PMS1: variants seen among roughly 807,000 people sequenced by gnomAD.
The protein encoded by PMS1 is PMS1 homolog 1, mismatch repair system component, also known as PMS1 protein homolog 1.
In PMS1, 79 loss-of-function variants were observed where a neutral mutation model predicts 93.1. The observed-to-expected ratio is 0.85, with a 90% CI of 0.71 to 1.02. The LOEUF (loss-of-function observed/expected upper bound fraction) is 1.02, where lower values mean the gene tolerates loss of function less well. PMS1 is among the 50% of genes least tolerant of loss of function. The pLI, the probability that PMS1 is intolerant of heterozygous loss-of-function variation, is 0.00. For missense variants in PMS1, 1,064 were observed against 1,085.3 expected, an observed-to-expected ratio of 0.98 and a Z score of 0.28; for synonymous variants, 335 against 363.4, an observed-to-expected ratio of 0.92 and a Z score of 0.89.
chr2:189,872,839 T>C (rs959069876), intron 11 of PMS1, among the ~76,000 whole-genome samples: 2 of 152,244 alleles, frequency 1.3e-5, no homozygotes, highest in South Asian at 4.1e-4. Flanking sequence ...TCTCACCATG[T>C]TGGACAGGCT....
chr2:189,793,880 T>C (rs2049109111), intron 2 of PMS1, among the ~76,000 whole-genome samples: 1 of 152,240 alleles, frequency 6.6e-6, no homozygotes, highest in Non-Finnish European at 1.5e-5. Flanking sequence ...TATGTTTTCA[T>C]AATTAATTAA....
intron 5 of PMS1, among the ~76,000 whole-genome samples, chr2:189,838,388 T>C (rs74356037): frequency 1.6e-4 from 24 of 152,266 alleles, no homozygotes; most frequent in African/African-American, 5.5e-4. Flanking sequence ...GTATTTAGTA[T>C]TTAGTGGGCC....
chr2:189,802,264 T>G (rs1257730825), intron 3 of PMS1, among the ~76,000 whole-genome samples: 1 of 152,230 alleles, frequency 6.6e-6, no homozygotes, highest in East Asian at 1.9e-4. Context: ...AAAACTTAAC[T>G]ACTGTTGACC....
At chr2:189,824,978 A>G (rs919951893) in intron 5 of PMS1, among the ~76,000 whole-genome samples, 2 of 151,078 alleles carry the variant, frequency 1.3e-5, no homozygotes, top group Non-Finnish European at 2.9e-5. Flanking sequence ...TTTTGTAAAG[A>G]ATTTTTTTGT....
At chr2:189,788,798 C>G (rs527496665) in intron 1 of PMS1, among the ~76,000 whole-genome samples, 2 of 152,138 alleles carry the variant, frequency 1.3e-5, no homozygotes, top group Non-Finnish European at 2.9e-5. Context: ...TCAATTTGGA[C>G]TACCCACGTT....
rs2054028143 is a variant in PMS1 at position 189,843,981 on chromosome 2, A to G, written c.600A>G (p.Lys200=). Residue 200 remains lysine, a synonymous_variant, in exon 6 of 13, where the codon AAA becomes AAG. Coordinates refer to ENST00000441310, the MANE Select transcript of PMS1 (RefSeq NM_000534.5). Reference sequence around the variant, plus strand: ...GTCCCTAGGCAGTTATTTGGCAGAAAAGCAGAGTATCAGATCACAAGATGG... The same window carrying G: ...GTCCCTAGGCAGTTATTTGGCAGAAGAGCAGAGTATCAGATCACAAGATGG... ...FVHNKAVIWQ[K]SRVSDHKMAL... is the part of the protein sequence containing the mutation. 1.2e-6 allele frequency: 2 copies of G among 1,613,868 alleles called. No individual in the cohort carries two copies. Among genetic ancestry groups the G allele is most frequent in the South Asian group, 2.2e-5 (2 of 91,088 alleles).
chr2:189,790,704 T>A (rs2048786361), intron 1 of PMS1, among the ~76,000 whole-genome samples: 1 of 152,252 alleles, frequency 6.6e-6, no homozygotes, highest in Non-Finnish European at 1.5e-5. Flanking sequence ...AATGTAGTAG[T>A]TGCTGTTCTT....
intron 9 of PMS1, among the ~76,000 whole-genome samples, chr2:189,858,511 A>C (rs1005274469): frequency 1.3e-5 from 2 of 152,152 alleles, no homozygotes; most frequent in Admixed American, 6.6e-5. Flanking sequence ...CTTTTACTTA[A>C]CATTTACTTA....
At position 189,817,906 on chromosome 2, in the gene PMS1, G is replaced by C. The variant is rs3791773; in HGVS notation, c.419-111G>C. On this transcript the variant is annotated intron_variant, in intron 4 of 12. Transcript: ENST00000441310. ...TTGAGCCTTTGGGTTTCTAGAATTGGAGGAGGAGACCTTCAGTTATAGAAG... is the reference window on the plus strand; with the variant it reads ...TTGAGCCTTTGGGTTTCTAGAATTGCAGGAGGAGACCTTCAGTTATAGAAG... 0.2 allele frequency: 160,017 copies of C among 795,032 alleles called. 17,101 individuals are homozygous for C. The highest frequency in any genetic ancestry group is 0.29 in the African/African-American group (16,868 of 58,980). 49.2% of individuals were successfully genotyped at this position (795,032 alleles called of 1,614,324 possible).
intron 1 of PMS1, chr2:189,784,813 C>T (rs984870393): frequency 6.6e-6 from 1 of 152,288 alleles, no homozygotes; most frequent in Non-Finnish European, 1.5e-5. Context: ...TGTTGCGTCC[C>T]ATTCCCCAGA....
chr2:189,855,940 G>T, intron 9 of PMS1: 1 of 698,830 alleles, frequency 1.4e-6, no homozygotes. Context: ...TCAATATTAT[G>T]TCAAATGTGT....
chr2:189,855,428 T>G (rs1378727402), intron 9 of PMS1, among the ~76,000 whole-genome samples: 1 of 151,744 alleles, frequency 6.6e-6, no homozygotes, highest in Non-Finnish European at 1.5e-5. Flanking sequence ...CAAACCACCA[T>G]TTATCTTCTA....
rs1362613334 is a variant in PMS1 at position 189,868,425 on chromosome 2, A to G, written c.2473+496A>G. On this transcript the variant is annotated intron_variant, in intron 11 of 12. Coordinates refer to ENST00000441310, the MANE Select transcript of PMS1 (RefSeq NM_000534.5). ...AGACTGATAACCCTCTTTGCTCAGT[A>G]TGGAAATTCATTGGGTGGATTTAAA... 2.6e-5 allele frequency among the ~76,000 whole-genome samples: 4 copies of G among 152,228 alleles called. No homozygotes were observed. In the East Asian group the frequency reaches 7.7e-4, roughly 29 times the overall value.
intron 10 of PMS1, among the ~76,000 whole-genome samples, chr2:189,864,860 T>C (rs970125519): frequency 2.0e-5 from 3 of 149,916 alleles, no homozygotes; most frequent in African/African-American, 7.3e-5. Context: ...AGGGTAATTT[T>C]GAAGTTAGAT....
chr2:189,805,542 A>G, intron 3 of PMS1, 110 bp from the exon 4 acceptor site: 1 of 896,226 alleles, frequency 1.1e-6, no homozygotes, highest in Non-Finnish European at 1.8e-6. Flanking sequence ...TTTATTAGGT[A>G]AAATACGCTA....
chr2:189,814,309 C>A (rs1233270), intron 4 of PMS1, among the ~76,000 whole-genome samples: 10,076 of 149,058 alleles, frequency 0.068, 644 homozygotes, highest in African/African-American at 0.17. Context: ...AGAGGAAGAC[C>A]CCCCCCCAAA....
rs545753770 is a variant in PMS1, at chr2:189,830,050, C to T, written c.582+11870C>T. Among the ~76,000 whole-genome samples the T allele has an allele frequency of 2.1e-4, 32 of 152,182 alleles. 1 individual carries two copies. The highest frequency in any genetic ancestry group is 2.1e-3 in the Admixed American group (32 of 15,284). ...AGAGTAAAATCAAAGCCTTTATAAGCGGACTGTGAATTCTCTATTGGGGTC... is the reference window on the plus strand; with the variant it reads ...AGAGTAAAATCAAAGCCTTTATAAGTGGACTGTGAATTCTCTATTGGGGTC... On this transcript the variant is annotated intron_variant, in intron 5 of 12. Coordinates refer to ENST00000441310, the MANE Select transcript of PMS1 (RefSeq NM_000534.5).
At chr2:189,798,317 G>A (rs5742993) in intron 3 of PMS1, among the ~76,000 whole-genome samples, 5,729 of 152,282 alleles carry the variant, frequency 0.038, 155 homozygotes, top group African/African-American at 0.067. Context: ...AAGTAGGCCA[G>A]AGAAATTGCA....
chr2:189,870,306 T>C (rs2057036778), intron 11 of PMS1, among the ~76,000 whole-genome samples: 1 of 152,190 alleles, frequency 6.6e-6, no homozygotes. Context: ...AGAGAAGGAA[T>C]ACATCTGGCT....
Sources: allele counts gnomAD v4.1 joint callset (sites outside exome capture counted in the v4.1 genomes callset), GRCh38; gene constraint gnomAD v4.1.1; transcripts MANE v1.5; gene names NCBI Gene and HGNC (gene_info 2026-07-23, HGNC 2026-07-21).